Variants in YIPF3 observed in about 807,000 individuals in gnomAD.
The protein encoded by YIPF3 is protein YIPF3.
In YIPF3, 18 loss-of-function variants were observed where a neutral mutation model predicts 40.3. The ratio of observed to expected loss-of-function variants is 0.45; its 90% CI spans 0.31 to 0.66. The LOEUF is 0.66. Ranked by LOEUF, YIPF3 falls within the 30% of genes least tolerant of loss-of-function variation. The pLI is 0.07. For missense variants in YIPF3, 406 were observed against 452.2 expected, an observed-to-expected ratio of 0.90 and a Z score of 0.93; for synonymous variants, 190 against 179.6, an observed-to-expected ratio of 1.06 and a Z score of -0.46.
rs748393617 is a variant in YIPF3, at chr6:43,515,968, G to A, written c.209C>T (p.Ala70Val). ...CTCTCCATCCTCCTCTTCAGCAGCA[G>A]CTGCATCAGCTGCATCAGCGTCTAC... Reference protein sequence around the residue: ...EEVDADAADAAAAEEEDGEFL... With the variant: ...EEVDADAADAVAAEEEDGEFL... The change falls in exon 2 of 9, where the codon GCT becomes GTT. Residue 70 changes from alanine (A) to valine (V), a missense_variant. Transcript: ENST00000372422. 1 of 1,613,642 alleles carries A rather than the reference G, an allele frequency of 6.2e-7. No homozygotes were observed. Among genetic ancestry groups the A allele is most frequent in the African/African-American group, 1.3e-5 (1 of 74,836 alleles).
rs984715812 is a variant in YIPF3 at position 43,512,202 on chromosome 6, C to T, written c.1018G>A (p.Ala340Thr). ...RLPTTVLNAT[A>T]KAVAVTLQSH ...TGCAGGGTCACCGCAACAGCTTTGG[C>T]TGTGGCGTTGAGGACGGTGGTGGGA... Residue 340 changes from alanine (A) to threonine (T), a missense_variant, in exon 9 of 9, where the codon GCC becomes ACC. Physicochemically the swap from Ala to Thr is moderately conservative, Grantham distance 58 (BLOSUM62 0). Coordinates refer to ENST00000372422, the MANE Select transcript of YIPF3 (RefSeq NM_015388.4). 1.9e-6 allele frequency: 3 copies of T among 1,614,206 alleles called. No individual in the cohort carries two copies. The African/African-American group carries it at 4.0e-5, about 22-fold the overall frequency.
rs373647807 is a variant in YIPF3, at chr6:43,512,474, G to A, written c.870C>T (p.Leu290=). The part of the protein sequence containing the change: ...TLAALHMLFL[L]YLHFAYHKVV... ...CTTTGTGGTAGGCAAAATGCAGATA[G>A]AGCAGGAAGAGCATGTGTAGGGCAG... The change falls in exon 8 of 9, where the codon CTC becomes CTT. Residue 290 remains leucine, a synonymous_variant. Transcript: ENST00000372422. 2.5e-6 allele frequency: 4 copies of A among 1,614,040 alleles called. No individual in the cohort carries two copies. The highest frequency in any genetic ancestry group is 3.4e-6 in the Non-Finnish European group (4 of 1,180,046).
At chr6:43,516,249 C>G in intron 1 of YIPF3, 154 bp from the exon 2 acceptor site, 1 of 1,435,604 alleles carries the variant, frequency 7.0e-7, no homozygotes, top group Non-Finnish European at 9.1e-7. Flanking sequence ...CTCATATGCT[C>G]TCAGAACGCC....
intron 3 of YIPF3, chr6:43,515,193 C>G: frequency 2.3e-6 from 1 of 436,090 alleles, no homozygotes; most frequent in South Asian, 1.6e-5. Flanking sequence ...AGGGTTTCAC[C>G]GTGTTAGCCA....
intron 3 of YIPF3, 126 bp from the exon 4 acceptor site, chr6:43,513,759 TG>T: frequency 1.1e-6 from 1 of 906,670 alleles, no homozygotes; most frequent in Admixed American, 2.8e-5. Context: ...ACATGTTGGA[TG>T]ACACGGTAGA....
rs551252405 is a variant in YIPF3 at position 43,512,231 on chromosome 6, C to G, written c.989G>C (p.Arg330Pro). ...GGCGTTGAGGACGGTGGTGGGAAGC[C>G]GAGCAGCAGGGAGCATGGCAGGGAT... ...RDIPAMLPAA[R>P]LPTTVLNATA... Residue 330 changes from arginine (R) to proline (P), a missense_variant, in exon 9 of 9, where the codon CGG becomes CCG. Arg to Pro is a moderately radical substitution (Grantham distance 103, BLOSUM62 -2). Coordinates refer to ENST00000372422, the MANE Select transcript of YIPF3 (RefSeq NM_015388.4). 67 of 1,613,928 alleles carry G rather than the reference C, an allele frequency of 4.2e-5. No homozygotes were observed. Among genetic ancestry groups the G allele is most frequent in the Non-Finnish European group, 5.4e-5 (64 of 1,179,966 alleles).
intron 1 of YIPF3, 80 bp downstream of exon 1, chr6:43,516,647 C>T: frequency 6.5e-7 from 1 of 1,527,198 alleles, no homozygotes; most frequent in Non-Finnish European, 8.9e-7. Context: ...GACTTCCAGG[C>T]CCAGAGGGGG....
Position 43,512,893 on chromosome 6 carries a change from G to T in YIPF3, c.667-19C>A. The T allele has an allele frequency of 6.2e-7, 1 of 1,610,546 alleles. No homozygotes were observed. The highest frequency in any genetic ancestry group is 8.5e-7 in the Non-Finnish European group (1 of 1,177,934). On this transcript the variant is annotated intron_variant, in intron 6 of 8. Transcript: ENST00000372422. ...CATAGCCCTGGGAAGGAGGATGGTG[G>T]AGAGGAAAATCATTCAGGTTGGGCT...
At position 43,512,970 on chromosome 6, in the gene YIPF3, C is replaced by T. The variant is rs564123705; in HGVS notation, c.667-96G>A. On this transcript the variant is annotated intron_variant, in intron 6 of 8. Transcript: ENST00000372422. ...GGGAAACACATGGTCCATTGGCCTACTCCTCCCATTCCAGGCTTTGGGGCC... is the reference window on the plus strand; with the variant it reads ...GGGAAACACATGGTCCATTGGCCTATTCCTCCCATTCCAGGCTTTGGGGCC... 1.1e-5 allele frequency: 18 copies of T among 1,592,550 alleles called. No homozygotes were observed. The East Asian group carries it at 3.8e-4, about 34-fold the overall frequency.
chr6:43,513,876 T>C (rs1561853235), intron 3 of YIPF3: 2 of 422,064 alleles, frequency 4.7e-6, no homozygotes, highest in Admixed American at 7.9e-5. Context: ...AAACAGCAGC[T>C]ATATGGAGAA....
intron 3 of YIPF3, among the ~76,000 whole-genome samples, chr6:43,514,434 G>GT (rs1300086244): frequency 6.6e-6 from 1 of 152,180 alleles, no homozygotes; most frequent in Non-Finnish European, 1.5e-5. Flanking sequence ...GCACTTTCGA[G>GT]TATTTTCTTG....
Position 43,512,818 on chromosome 6 carries a change from G to C in YIPF3, c.723C>G (p.Leu241=), listed in dbSNP as rs773427861. ...GCCAGAAGAGGTAGAAGAGGGCGTGGAGGTGGATATTATAGGTGATGAACA... is the reference window on the plus strand; with the variant it reads ...GCCAGAAGAGGTAGAAGAGGGCGTGCAGGTGGATATTATAGGTGATGAACA... ...IVLFITYNIH[L]HALFYLFWLL... is the part of the protein sequence containing the mutation. The change falls in exon 7 of 9, where the codon CTC becomes CTG. Residue 241 remains leucine (L), a synonymous_variant. Coordinates refer to ENST00000372422, the MANE Select transcript of YIPF3 (RefSeq NM_015388.4). 1 of 1,614,104 alleles carries C rather than the reference G, an allele frequency of 6.2e-7. No individual in the cohort carries two copies. The highest frequency in any genetic ancestry group is 2.2e-5 in the East Asian group (1 of 44,880).
Position 43,513,594 on chromosome 6 carries a change from G to A in YIPF3, c.435C>T (p.Phe145=). 1 of 1,582,366 alleles carries A rather than the reference G, an allele frequency of 6.3e-7. No individual in the cohort carries two copies. The highest frequency in any genetic ancestry group is 1.2e-5 in the South Asian group (1 of 85,898). Residue 145 remains phenylalanine (F), a synonymous_variant, in exon 4 of 9, where the codon TTC becomes TTT. Coordinates refer to ENST00000372422, the MANE Select transcript of YIPF3 (RefSeq NM_015388.4). ...ESMIPIKMVN[F]PQKIAGELYG... Reference sequence around the variant, plus strand: ...CATGCCACCCTCTATTCACCTGGGGGAAGTTGACCATCTTGATAGGGATCA... The same window carrying A: ...CATGCCACCCTCTATTCACCTGGGGAAAGTTGACCATCTTGATAGGGATCA...
rs768070074 is a variant in YIPF3, at chr6:43,513,425, A to G, written c.468T>C (p.Pro156=). The change falls in exon 5 of 9, where the codon CCT becomes CCC. Residue 156 remains proline, a synonymous_variant. Coordinates refer to ENST00000372422, the MANE Select transcript of YIPF3 (RefSeq NM_015388.4). ...PQKIAGELYG[P]LMLVFTLVAI... is the part of the protein sequence containing the mutation. ...CAACCAGAGTGAAGACCAGCATGAG[A>G]GGTCCATAGAGTTCACCTGCAATTT... The G allele has an allele frequency of 1.9e-6, 3 of 1,614,198 alleles. No homozygotes were observed. The highest frequency in any genetic ancestry group is 1.7e-5 in the Admixed American group (1 of 60,022).
rs202171290 is a variant in YIPF3 at position 43,512,322 on chromosome 6, G to A, written c.905-7C>T. 1 of 1,610,446 alleles carries A rather than the reference G, an allele frequency of 6.2e-7. No individual in the cohort carries two copies. The highest frequency in any genetic ancestry group is 8.5e-7 in the Non-Finnish European group (1 of 1,177,920). On this transcript the variant is annotated splice_polypyrimidine_tract_variant and splice_region_variant and intron_variant, in intron 8 of 8. Coordinates refer to ENST00000372422, the MANE Select transcript of YIPF3 (RefSeq NM_015388.4). The stretch of plus-strand genomic sequence containing the variant: ...TCCAGTGTGTCCAGGATCCCTGGAA[G>A]GAAGATGGAAGGTGAGCGAGGATCA...
intron 1 of YIPF3, 65 bp from the exon 2 acceptor site, chr6:43,516,160 T>C (rs1435350598): frequency 6.3e-7 from 1 of 1,595,688 alleles, no homozygotes; most frequent in Non-Finnish European, 8.5e-7. Flanking sequence ...CCTCTGCTCA[T>C]CCCAGGGTTT....
Position 43,516,164 on chromosome 6 carries a change from A to G in YIPF3, c.82-69T>C, listed in dbSNP as rs755568961. ...ATCCATTAAGTCCTCTGCTCATCCC[A>G]GGGTTTAGGGCTTTGTTCTTCCACT... On this transcript the variant is annotated intron_variant, in intron 1 of 8. Coordinates refer to ENST00000372422, the MANE Select transcript of YIPF3 (RefSeq NM_015388.4). 7 of 1,590,200 alleles carry G rather than the reference A, an allele frequency of 4.4e-6. No homozygotes were observed. In the African/African-American group the frequency reaches 8.1e-5, roughly 18 times the overall value.
At position 43,512,024 on chromosome 6, in the gene YIPF3, C is replaced by T. The variant is rs1264081144; in HGVS notation, c.*143G>A. 2.3e-6 allele frequency: 3 copies of T among 1,322,548 alleles called. No homozygotes were observed. Among genetic ancestry groups the T allele is most frequent in the Non-Finnish European group, 3.1e-6 (3 of 961,970 alleles). 81.9% of individuals were successfully genotyped at this position (1,322,548 alleles called of 1,614,324 possible). On this transcript the variant is annotated 3_prime_UTR_variant, in exon 9 of 9. Coordinates refer to ENST00000372422, the MANE Select transcript of YIPF3 (RefSeq NM_015388.4). ...TGTGCCTTTCAGAAGTGCCGACAGG[C>T]ATCAAGGAGGTACTTACGCAGCTAC...
chr6:43,516,404 A>G lies in YIPF3; in HGVS notation c.82-309T>C, dbSNP rs1032419564. On this transcript the variant is annotated intron_variant, in intron 1 of 8. Transcript: ENST00000372422. ...TCCTAAGCCCCAAACAAAACTATAC[A>G]CATAGTATGTTTTCAGCGAATGCCA... is the stretch of plus-strand genomic sequence containing the variant. 6.3e-6 allele frequency: 4 copies of G among 636,022 alleles called. No individual in the cohort carries two copies. The African/African-American group carries it at 7.4e-5, about 12-fold the overall frequency. The allele number at this position is 636,022 out of a possible 1,614,324, so 39.4% of individuals were successfully genotyped here.
Sources: gnomAD v4.1 joint callset for allele counts (sites outside exome capture counted in the v4.1 genomes callset) on GRCh38, gnomAD v4.1.1 for gene constraint, MANE v1.5 for transcripts, NCBI Gene and HGNC (gene_info 2026-07-23, HGNC 2026-07-21) for gene names.